SHISA9: variants seen among roughly 807,000 people sequenced by gnomAD.
The protein encoded by SHISA9 is protein shisa-9.
A neutral mutation model predicts 38.0 loss-of-function variants in SHISA9; 13 were observed. The ratio of observed to expected loss-of-function variants is 0.34; its 90% CI spans 0.22 to 0.54. SHISA9 has a LOEUF of 0.54. Ranked by LOEUF, SHISA9 falls within the 20% of genes least tolerant of loss-of-function variation. The pLI is 0.91. For synonymous variants in SHISA9, 275 were observed against 242.0 expected (o/e 1.14, Z -1.27); for missense variants, 538 against 575.8 (o/e 0.93, Z 0.67).
At chr16:13,494,880 A>G in the SHISA9 span, among the ~76,000 whole-genome samples, 1 of 152,208 alleles carries the variant, frequency 6.6e-6, no homozygotes, top group African/African-American at 2.4e-5. Context: ...TAATAGGTCA[A>G]TGGTTATATA....
chr16:13,262,924 C>G, the SHISA9 span, among the ~76,000 whole-genome samples: 2 of 152,132 alleles, frequency 1.3e-5, no homozygotes, highest in Non-Finnish European at 2.9e-5. Flanking sequence ...AAATCACTCT[C>G]CCCAGGGCAC....
At chr16:13,417,539 C>T in the SHISA9 span, among the ~76,000 whole-genome samples, 1 of 152,334 alleles carries the variant, frequency 6.6e-6, no homozygotes, top group East Asian at 1.9e-4. Flanking sequence ...GTTTTCATTA[C>T]AGTGTACTCA....
At chr16:12,916,258 G>A (rs1018433399) in intron 1 of SHISA9, among the ~76,000 whole-genome samples, 3 of 152,126 alleles carry the variant, frequency 2.0e-5, no homozygotes, top group African/African-American at 4.8e-5. Flanking sequence ...GACGTAATGC[G>A]ATTAGCGTGG....
intron 2 of SHISA9, among the ~76,000 whole-genome samples, chr16:13,104,033 T>G (rs1324127574): frequency 1.3e-5 from 2 of 152,138 alleles, no homozygotes; most frequent in Non-Finnish European, 2.9e-5. Flanking sequence ...TCCAAATTGC[T>G]CCAGGAGGCA....
intron 3 of SHISA9, among the ~76,000 whole-genome samples, chr16:13,208,657 GCA>G (rs1357912035): frequency 6.6e-6 from 1 of 152,022 alleles, no homozygotes; most frequent in Non-Finnish European, 1.5e-5. Flanking sequence ...TAAAATATTA[GCA>G]CACACTGGGG....
At chr16:13,436,749 TG>T in the SHISA9 span, among the ~76,000 whole-genome samples, 1 of 151,010 alleles carries the variant, frequency 6.6e-6, no homozygotes, top group Admixed American at 6.6e-5. Flanking sequence ...GTTACTATAG[TG>T]ACACACAGTC....
At chr16:13,050,602 G>C (rs2073240033) in intron 2 of SHISA9, among the ~76,000 whole-genome samples, 1 of 152,186 alleles carries the variant, frequency 6.6e-6, no homozygotes, top group African/African-American at 2.4e-5. Flanking sequence ...AAAGTGCTGG[G>C]ATTACAGGCA....
chr16:13,424,289 G>C, the SHISA9 span, among the ~76,000 whole-genome samples: 2 of 152,226 alleles, frequency 1.3e-5, no homozygotes, highest in Non-Finnish European at 2.9e-5. Context: ...ACTGATAAAT[G>C]AATCAAAGTG....
intron 2 of SHISA9, among the ~76,000 whole-genome samples, chr16:12,992,546 A>G (rs1192787493): frequency 6.6e-6 from 1 of 151,852 alleles, no homozygotes; most frequent in African/African-American, 2.4e-5. Flanking sequence ...CAAAAACAAA[A>G]ACAAAAACAA....
At chr16:13,257,568 C>G in the SHISA9 span, among the ~76,000 whole-genome samples, 2 of 152,274 alleles carry the variant, frequency 1.3e-5, no homozygotes, top group Non-Finnish European at 2.9e-5. Flanking sequence ...ATTTTGATCA[C>G]CCCCTTTTGT....
At chr16:13,188,555 A>G (rs1482018718) in intron 2 of SHISA9, among the ~76,000 whole-genome samples, 3 of 152,004 alleles carry the variant, frequency 2.0e-5, no homozygotes, top group Non-Finnish European at 2.9e-5. Context: ...CCGTCTCTAC[A>G]AAAATAAAAA....
chr16:13,371,530 C>T, the SHISA9 span, among the ~76,000 whole-genome samples: 1 of 152,164 alleles, frequency 6.6e-6, no homozygotes, highest in Non-Finnish European at 1.5e-5. Context: ...GGTTAAGAAT[C>T]ACTGCTATAG....
chr16:12,995,756 C>T (rs2072449989), intron 2 of SHISA9, among the ~76,000 whole-genome samples: 1 of 152,204 alleles, frequency 6.6e-6, no homozygotes. Flanking sequence ...AAAGAAAATT[C>T]TGCCTTCAGA....
chr16:13,462,072 C>T, the SHISA9 span, among the ~76,000 whole-genome samples: 3 of 151,420 alleles, frequency 2.0e-5, no homozygotes, highest in Non-Finnish European at 4.4e-5. Context: ...GAGTTCAAGA[C>T]CAGGCTGAGC....
chr16:13,289,209 T>A, the SHISA9 span, among the ~76,000 whole-genome samples: 1 of 152,204 alleles, frequency 6.6e-6, no homozygotes, highest in Non-Finnish European at 1.5e-5. Context: ...TGGCATTGTG[T>A]TGTCCTGTCT....
rs979849639 is a variant in SHISA9, at chr16:13,235,688, C to G, written c.*279C>G. On this transcript the variant is annotated 3_prime_UTR_variant, in exon 5 of 5. Coordinates refer to ENST00000558583, the MANE Select transcript of SHISA9 (RefSeq NM_001145204.3). ...TCTTTCCACTTCAGGCCCAAGATGG[C>G]CAACTCACATGCCCAAACCGTGGGG... is the stretch of plus-strand genomic sequence containing the variant. The G allele has an allele frequency of 7.1e-6, 3 of 419,984 alleles. No homozygotes were observed. The highest frequency in any genetic ancestry group is 1.3e-5 in the Non-Finnish European group (3 of 237,830). The allele number at this position is 419,984 out of a possible 1,614,324, so 26.0% of individuals were successfully genotyped here.
chr16:13,219,795 C>T (rs926137302), intron 4 of SHISA9, among the ~76,000 whole-genome samples: 1 of 151,962 alleles, frequency 6.6e-6, no homozygotes, highest in African/African-American at 2.4e-5. Flanking sequence ...ATTGTCTCTA[C>T]AAAAATACAA....
chr16:13,221,507 G>A (rs1228847272), intron 4 of SHISA9, among the ~76,000 whole-genome samples: 2 of 147,708 alleles, frequency 1.4e-5, no homozygotes, highest in African/African-American at 5.0e-5. Flanking sequence ...TTGTGAAGAA[G>A]AAGAAAGCAG....
chr16:13,355,741 A>G, the SHISA9 span, among the ~76,000 whole-genome samples: 1 of 152,032 alleles, frequency 6.6e-6, no homozygotes, highest in Non-Finnish European at 1.5e-5. Flanking sequence ...TAAGAAAGGG[A>G]CGGGCTTACC....
Sources: allele counts gnomAD v4.1 joint callset (sites outside exome capture counted in the v4.1 genomes callset), GRCh38; gene constraint gnomAD v4.1.1; transcripts MANE v1.5; gene names NCBI Gene and HGNC (gene_info 2026-07-23, HGNC 2026-07-21).